Variants in ZNF397 observed in about 807,000 individuals in gnomAD.
ZNF397 encodes the protein zinc finger protein 397.
In ZNF397, 38 loss-of-function variants were observed where a neutral mutation model predicts 50.6. That is an observed-to-expected ratio of 0.75 (90% CI 0.58 to 0.98). The LOEUF (loss-of-function observed/expected upper bound fraction) is 0.98, where lower values mean the gene tolerates loss of function less well. ZNF397 is among the 50% of genes least tolerant of loss of function. The pLI is 0.00. For missense variants in ZNF397, 624 were observed against 624.1 expected, an observed-to-expected ratio of 1.00 and a Z score of 0.00; for synonymous variants, 228 against 215.2, an observed-to-expected ratio of 1.06 and a Z score of -0.52.
Position 35,245,605 on chromosome 18 carries a change from A to G in ZNF397, c.900A>G (p.Leu300=), listed in dbSNP as rs990096555. The G allele has an allele frequency of 6.4e-7, 1 of 1,554,096 alleles. No homozygotes were observed. Among genetic ancestry groups the G allele is most frequent in the Admixed American group, 2.0e-5 (1 of 51,164 alleles). ...ACAGCTTCAAGCAGCATTCCTCTCT[A>G]ACACAACATCAGAGAATCCATACTG... The part of the protein sequence containing the change: ...CGHSFKQHSS[L]TQHQRIHTGE... Residue 300 remains leucine, a synonymous_variant, in exon 4 of 4, where the codon CTA becomes CTG. Coordinates refer to ENST00000330501, the MANE Select transcript of ZNF397 (RefSeq NM_001135178.3).
Position 35,246,534 on chromosome 18 carries a change from T to G in ZNF397, c.*224T>G, listed in dbSNP as rs2043485415. ...CAGAAGAATCATTACTTCCAGCTCT[T>G]CTCTTATTAGGAATACTCAGGAAAT... On this transcript the variant is annotated 3_prime_UTR_variant, in exon 4 of 4. Transcript: ENST00000330501. 4.6e-6 allele frequency: 6 copies of G among 1,303,384 alleles called. No homozygotes were observed. Among genetic ancestry groups the G allele is most frequent in the Non-Finnish European group, 5.8e-6 (6 of 1,028,944 alleles). 80.7% of individuals were successfully genotyped at this position (1,303,384 alleles called of 1,614,324 possible). A position where few individuals can be genotyped will look rare whatever the true frequency, so the allele number is the denominator to read the frequency against.
rs570074457 is a variant in ZNF397 at position 35,241,098 on chromosome 18, C to T, written c.-92C>T. On this transcript the variant is annotated 5_prime_UTR_variant, in exon 1 of 4. Coordinates refer to ENST00000330501, the MANE Select transcript of ZNF397 (RefSeq NM_001135178.3). ...TGGGTGGCTCATTTCCTGGCCGCTC[C>T]TGGGCTTCGCGGTGAGGGACGTGGG... is the stretch of plus-strand genomic sequence containing the variant. 1 of 152,330 alleles carries T rather than the reference C, an allele frequency of 6.6e-6. No homozygotes were observed. Among genetic ancestry groups the T allele is most frequent in the Non-Finnish European group, 1.5e-5 (1 of 68,182 alleles). 9.4% of individuals were successfully genotyped at this position (152,330 alleles called of 1,614,324 possible). A position where few individuals can be genotyped will look rare whatever the true frequency, so the allele number is the denominator to read the frequency against.
At chr18:35,255,100 T>C (rs1201683568) in intron 5 of ZNF397, 9 of 151,830 alleles carry the variant, frequency 5.9e-5, no homozygotes, top group Admixed American at 5.9e-4. Context: ...AATGTATAAG[T>C]ATCAAAGAAG....
rs2143597269 is a variant in ZNF397, at chr18:35,245,590, GC to G, written c.886del (p.Gln296SerfsTer5). On this transcript the variant is annotated frameshift_variant, in exon 4 of 4. Transcript: ENST00000330501. LOFTEE classifies it high-confidence loss of function. ...GTGATGTATGTGGGCACAGCTTCAA[GC>G]AGCATTCCTCTCTAACACAACATCA... Reference protein sequence around the residue: ...RCDVCGHSFKQHSSLTQHQRI... With the variant: ...RCDVCGHSFKXHSSLTQHQRI... 6.4e-7 allele frequency: 1 copy of G among 1,553,156 alleles called. No homozygotes were observed. Among genetic ancestry groups the G allele is most frequent in the East Asian group, 2.4e-5 (1 of 40,976 alleles).
At chr18:35,243,322 C>G (rs1256002206) in intron 3 of ZNF397, 29 bp downstream of exon 3, 1 of 1,614,166 alleles carries the variant, frequency 6.2e-7, no homozygotes, top group Non-Finnish European at 8.5e-7. Context: ...TCTGGAAACT[C>G]TTGACACTTA....
downstream of ZNF397, chr18:35,251,742 A>T (rs2143633399): frequency 6.6e-6 from 1 of 151,904 alleles, no homozygotes; most frequent in African/African-American, 2.4e-5. Flanking sequence ...TTCCACCATG[A>T]TTTAAGTTTC....
rs1479428024 is a variant in ZNF397 at position 35,245,440 on chromosome 18, A to C, written c.735A>C (p.Gln245His). 6.4e-7 allele frequency: 1 copy of C among 1,559,160 alleles called. No individual in the cohort carries two copies. The highest frequency in any genetic ancestry group is 1.4e-5 in the African/African-American group (1 of 73,138). ...RSPSQGGSFSQVIFTNKSLGK... is the reference protein window; with the variant it reads ...RSPSQGGSFSHVIFTNKSLGK... ...CTTCCCAAGGGGGCAGTTTTAGTCA[A>C]GTGATCTTCACAAACAAATCTCTAG... Residue 245 changes from glutamine to histidine, a missense_variant, in exon 4 of 4, where the codon CAA becomes CAC. Physicochemically the swap from Gln to His is conservative, Grantham distance 24 (BLOSUM62 0). Transcript: ENST00000330501.
At chr18:35,244,865 TGAGAGAGTGAGGTTGCGAAACCACTTGA>T (rs1269780069) in intron 3 of ZNF397, among the ~76,000 whole-genome samples, 102 of 152,230 alleles carry the variant, frequency 6.7e-4, no homozygotes, top group African/African-American at 1.2e-3. Context: ...GAAATCACTA[TGAGAGAGTGAGGTTGCGAAACCACTTGA>T]GAGAGAGTGA....
Position 35,249,144 on chromosome 18 carries a change from G to A in ZNF397, c.*2834G>A, listed in dbSNP as rs901836301. The A allele has an allele frequency of 1.3e-5, 2 of 152,178 alleles. No homozygotes were observed. The highest frequency in any genetic ancestry group is 2.9e-5 in the Non-Finnish European group (2 of 68,030). 9.4% of individuals were successfully genotyped at this position (152,178 alleles called of 1,614,324 possible). ...CACTACAGTTAAAATGTATATTAAAGCAAGAGTTGAGATGACACTTTTCCT... is the reference window on the plus strand; with the variant it reads ...CACTACAGTTAAAATGTATATTAAAACAAGAGTTGAGATGACACTTTTCCT... On this transcript the variant is annotated 3_prime_UTR_variant, in exon 4 of 4. Coordinates refer to ENST00000330501, the MANE Select transcript of ZNF397 (RefSeq NM_001135178.3).
chr18:35,243,424 G>T (rs771359962), intron 3 of ZNF397, 131 bp downstream of exon 3: 1 of 1,311,606 alleles, frequency 7.6e-7, no homozygotes, highest in Non-Finnish European at 1.1e-6. Context: ...AGAGGTGCTC[G>T]CTTTAGCGGC....
chr18:35,242,840 C>T lies in ZNF397; in HGVS notation c.370C>T (p.Leu124=), dbSNP rs1261759929. 2 of 1,613,548 alleles carry T rather than the reference C, an allele frequency of 1.2e-6. No individual in the cohort carries two copies. The highest frequency in any genetic ancestry group is 1.3e-5 in the African/African-American group (1 of 74,900). Reference sequence around the variant, plus strand: ...AGAAAGCGGCGAGGAAGCTGTGACCCTGTTGGAGGATTTAGAGAGGGAGTT... The same window carrying T: ...AGAAAGCGGCGAGGAAGCTGTGACCTTGTTGGAGGATTTAGAGAGGGAGTT... The part of the protein sequence containing the change: ...NPESGEEAVT[L]LEDLEREFDD... The change falls in exon 2 of 4, where the codon CTG becomes TTG. Residue 124 remains leucine (L), a synonymous_variant. Coordinates refer to ENST00000330501, the MANE Select transcript of ZNF397 (RefSeq NM_001135178.3).
At chr18:35,253,441 C>T, downstream of ZNF397, 17 of 1,548,724 alleles carry the variant, frequency 1.1e-5, no homozygotes, top group Non-Finnish European at 1.5e-5. Context: ...ACAACTCTTA[C>T]CCACAGAGTT....
At chr18:35,254,653 G>A (rs2043730700), downstream of ZNF397, 2 of 526,076 alleles carry the variant, frequency 3.8e-6, no homozygotes, top group Non-Finnish European at 6.6e-6. Context: ...GTGACAAACA[G>A]GAATATTGGC....
In ZNF397 at chr18:35,243,297, A is replaced by G; in HGVS notation, c.556+4A>G. The G allele has an allele frequency of 6.2e-7, 1 of 1,614,230 alleles. No individual in the cohort carries two copies. The highest frequency in any genetic ancestry group is 8.5e-7 in the Non-Finnish European group (1 of 1,180,040). On this transcript the variant is annotated splice_donor_region_variant and intron_variant, in intron 3 of 3. Coordinates refer to ENST00000330501, the MANE Select transcript of ZNF397 (RefSeq NM_001135178.3). ...CCATGCCTTTCCCCTAAAAGTGGTG[A>G]GGAATGGGAAATCATCTGGAAACTC...
At chr18:35,258,655 A>G (rs1304766153), downstream of ZNF397, 1 of 152,136 alleles carries the variant, frequency 6.6e-6, no homozygotes, top group Non-Finnish European at 1.5e-5. Context: ...GTGGATAACA[A>G]GGTCAGGAGT....
Position 35,243,296 on chromosome 18 carries a change from G to A in ZNF397, c.556+3G>A. 1.9e-6 allele frequency: 3 copies of A among 1,614,196 alleles called. No individual in the cohort carries two copies. Among genetic ancestry groups the A allele is most frequent in the Non-Finnish European group, 8.5e-7 (1 of 1,180,040 alleles). On this transcript the variant is annotated splice_donor_region_variant and intron_variant, in intron 3 of 3. Transcript: ENST00000330501. ...ACCATGCCTTTCCCCTAAAAGTGGT[G>A]AGGAATGGGAAATCATCTGGAAACT... is the stretch of plus-strand genomic sequence containing the variant.
downstream of ZNF397, chr18:35,253,754 A>AAGG (rs769215537): frequency 6.2e-7 from 1 of 1,614,164 alleles, no homozygotes; most frequent in Admixed American, 1.7e-5. Flanking sequence ...GCTCCGGCTG[A>AAGG]AGGCCTTCCC....
Position 35,247,533 on chromosome 18 carries a change from A to G in ZNF397, c.*1223A>G, listed in dbSNP as rs1262554179. 6.6e-6 allele frequency: 1 copy of G among 152,184 alleles called. No individual in the cohort carries two copies. The highest frequency in any genetic ancestry group is 1.5e-5 in the Non-Finnish European group (1 of 68,044). The allele number at this position is 152,184 out of a possible 1,614,324, so 9.4% of individuals were successfully genotyped here. A position where few individuals can be genotyped will look rare whatever the true frequency, so the allele number is the denominator to read the frequency against. ...TTGTTTCTGGGGCTATACGCCCACA[A>G]TTCCTAGTACATTCCCTTGGGCTTT... On this transcript the variant is annotated 3_prime_UTR_variant, in exon 4 of 4. Coordinates refer to ENST00000330501, the MANE Select transcript of ZNF397 (RefSeq NM_001135178.3).
chr18:35,242,685 A>G lies in ZNF397; in HGVS notation c.215A>G (p.Gln72Arg), dbSNP rs775836036. 1 of 1,614,256 alleles carries G rather than the reference A, an allele frequency of 6.2e-7. No homozygotes were observed. Among genetic ancestry groups the G allele is most frequent in the Non-Finnish European group, 8.5e-7 (1 of 1,180,046 alleles). ...PGPREALSRL[Q>R]ELCYQWLMPE... The stretch of plus-strand genomic sequence containing the variant: ...CCCCGGGAGGCTCTGAGCCGACTCC[A>G]GGAACTTTGCTATCAGTGGCTAATG... The change falls in exon 2 of 4, where the codon CAG (glutamine) becomes CGG (arginine). Residue 72 changes from glutamine to arginine, a missense_variant. Physicochemically the swap from Gln to Arg is conservative, Grantham distance 43. Transcript: ENST00000330501.
Sources: allele counts gnomAD v4.1 joint callset (sites outside exome capture counted in the v4.1 genomes callset), GRCh38; gene constraint gnomAD v4.1.1; transcripts MANE v1.5; gene names NCBI Gene and HGNC (gene_info 2026-07-23, HGNC 2026-07-21).